PGAP2: variants seen among roughly 807,000 people sequenced by gnomAD.
PGAP2 encodes post-GPI attachment to proteins 2, also known as acyltransferase PGAP2.
In PGAP2, 21 loss-of-function variants were observed where a neutral mutation model predicts 33.2. The observed-to-expected ratio is 0.63, with a 90% CI of 0.45 to 0.91. The LOEUF (loss-of-function observed/expected upper bound fraction) is 0.91. Ranked by LOEUF, PGAP2 falls within the 40% of genes least tolerant of loss-of-function variation. PGAP2 has a pLI of 0.00. For synonymous variants in PGAP2, 161 were observed against 172.9 expected (o/e 0.93, Z 0.54); for missense variants, 345 against 424.0 (o/e 0.81, Z 1.64).
chr11:3,803,422 C>T (rs551734253), intron 1 of PGAP2, among the ~76,000 whole-genome samples: 51 of 151,430 alleles, frequency 3.4e-4, no homozygotes, highest in Non-Finnish European at 6.5e-4. Context: ...CCACCGCACC[C>T]GGCCATTTTT....
chr11:3,803,896 T>G (rs986190138), upstream of PGAP2, among the ~76,000 whole-genome samples: 4 of 152,004 alleles, frequency 2.6e-5, no homozygotes, highest in African/African-American at 9.7e-5. Flanking sequence ...GTTCAAGTGA[T>G]TCTCGTGCCT....
chr11:3,817,826 C>G, intron 3 of PGAP2: 1 of 555,822 alleles, frequency 1.8e-6, no homozygotes, highest in Non-Finnish European at 3.4e-6. Flanking sequence ...GCCAGTGGAT[C>G]ACTCGAGTTC....
chr11:3,801,499 G>A (rs891536777), intron 1 of PGAP2, among the ~76,000 whole-genome samples: 1 of 151,544 alleles, frequency 6.6e-6, no homozygotes, highest in African/African-American at 2.4e-5. Context: ...AAAATTAGCC[G>A]GGCGCGGTGG....
At chr11:3,805,841 C>CA (rs1007084377), upstream of PGAP2, among the ~76,000 whole-genome samples, 10 of 152,026 alleles carry the variant, frequency 6.6e-5, no homozygotes, top group South Asian at 8.3e-4. Flanking sequence ...TGCGCGCCAT[C>CA]ACGCCTAGCT....
chr11:3,805,032 C>T (rs573808945), upstream of PGAP2, among the ~76,000 whole-genome samples: 176 of 152,200 alleles, frequency 1.2e-3, no homozygotes, highest in Admixed American at 3.6e-3. Flanking sequence ...TTTATCTTCC[C>T]TCACATAAAT....
Position 3,823,054 on chromosome 11 carries a change from T to TTTTTTTTTTTTG in PGAP2, c.349-829_349-828insTTTTTTTTTTTG, listed in dbSNP as rs1316682518. On this transcript the variant is annotated intron_variant, in intron 3 of 6. Coordinates refer to ENST00000278243, the MANE Select transcript of PGAP2 (RefSeq NM_014489.4). ...TTTTTTTTTTTTTTTTTTTTTTTTT[T>TTTTTTTTTTTTG]GAGACAGAGTCTCACTCTGTTGCCC... 15 of 565,094 alleles carry TTTTTTTTTTTTG rather than the reference T, an allele frequency of 2.7e-5. No homozygotes were observed. The African/African-American group carries it at 2.9e-4, about 11-fold the overall frequency. 35.0% of individuals were successfully genotyped at this position (565,094 alleles called of 1,614,324 possible).
chr11:3,806,877 C>G (rs1292950005), upstream of PGAP2, among the ~76,000 whole-genome samples: 1 of 151,958 alleles, frequency 6.6e-6, no homozygotes, highest in Non-Finnish European at 1.5e-5. Flanking sequence ...CAAAAATTAG[C>G]CGGGCATGGT....
chr11:3,798,007 C>G (rs747858326), intron 1 of PGAP2: 4 of 1,535,548 alleles, frequency 2.6e-6, no homozygotes, highest in South Asian at 1.2e-5. Flanking sequence ...CTTTCCTTGC[C>G]CCGGTCCGCC....
rs1030876208 is a variant in PGAP2, at chr11:3,811,948, G to T, written c.165+524G>T. On this transcript the variant is annotated intron_variant, in intron 2 of 6. Coordinates refer to ENST00000278243, the MANE Select transcript of PGAP2 (RefSeq NM_014489.4). The surrounding 1 kb of genome is among the most constrained non-coding windows in gnomAD (Gnocchi z 4.6). ...AGTATATGTGTGTGTGATTGTGAGG[G>T]TCATGACTGTATATAATGGGTTTGA... Among the ~76,000 whole-genome samples the T allele has an allele frequency of 1.3e-5, 2 of 152,122 alleles. No individual in the cohort carries two copies. Among genetic ancestry groups the T allele is most frequent in the Non-Finnish European group, 2.9e-5 (2 of 68,012 alleles).
chr11:3,811,205 A>C lies in PGAP2; in HGVS notation c.-10-45A>C. On this transcript the variant is annotated intron_variant, in intron 1 of 6. Transcript: ENST00000278243. The surrounding 1 kb of genome is among the most constrained non-coding windows in gnomAD (Gnocchi z 4.6). ...AGGGCTGACTTTATCACTGAGTGCC[A>C]GCCTGGCTGCCTGGGGCCCTGACAG... 2 of 1,573,744 alleles carry C rather than the reference A, an allele frequency of 1.3e-6. No homozygotes were observed. Among genetic ancestry groups the C allele is most frequent in the South Asian group, 2.4e-5 (2 of 85,070 alleles).
intron 5 of PGAP2, 46 bp from the exon 6 acceptor site, chr11:3,824,974 C>G: frequency 6.2e-7 from 1 of 1,612,814 alleles, no homozygotes; most frequent in South Asian, 1.1e-5. Context: ...AGCCCACGCT[C>G]TCATACCCAG....
At chr11:3,821,207 C>T (rs1407840091) in intron 3 of PGAP2, among the ~76,000 whole-genome samples, 2 of 152,100 alleles carry the variant, frequency 1.3e-5, no homozygotes, top group Non-Finnish European at 2.9e-5. Flanking sequence ...TGCCCCAGGC[C>T]TACCTGTGGG....
chr11:3,811,113 A>G lies in PGAP2; in HGVS notation c.-10-137A>G. On this transcript the variant is annotated intron_variant, in intron 1 of 6. Coordinates refer to ENST00000278243, the MANE Select transcript of PGAP2 (RefSeq NM_014489.4). The surrounding 1 kb of genome is among the most constrained non-coding windows in gnomAD (Gnocchi z 4.6). ...CCTCATCCAGGGCAAGAGCTATCCA[A>G]GTTTAGGTGCCTTCCTCCTCAGACT... 3.0e-6 allele frequency: 2 copies of G among 667,062 alleles called. No individual in the cohort carries two copies. Among genetic ancestry groups the G allele is most frequent in the South Asian group, 2.0e-5 (1 of 49,548 alleles). The allele number at this position is 667,062 out of a possible 1,614,324, so 41.3% of individuals were successfully genotyped here. A position where few individuals can be genotyped will look rare whatever the true frequency, so the allele number is the denominator to read the frequency against.
chr11:3,814,632 T>C (rs1418587760), intron 2 of PGAP2, among the ~76,000 whole-genome samples: 1 of 150,320 alleles, frequency 6.7e-6, no homozygotes, highest in East Asian at 2.0e-4. Context: ...AGGCTGGTCT[T>C]CAACTCCTGA....
chr11:3,807,662 G>C (rs1403072219), upstream of PGAP2, among the ~76,000 whole-genome samples: 3 of 152,066 alleles, frequency 2.0e-5, no homozygotes, highest in Non-Finnish European at 4.4e-5. Context: ...AGAGTGCCTG[G>C]GATATACTGG....
chr11:3,804,928 G>A (rs1037662395), upstream of PGAP2, among the ~76,000 whole-genome samples: 9 of 152,120 alleles, frequency 5.9e-5, no homozygotes, highest in African/African-American at 2.2e-4. Context: ...TCTCGAACTC[G>A]TGACCTCAGG....
upstream of PGAP2, chr11:3,808,213 A>C (rs932566740): frequency 4.6e-6 from 7 of 1,515,386 alleles, no homozygotes; most frequent in Non-Finnish European, 6.3e-6. Flanking sequence ...TTCGGTTAGA[A>C]TGGAGGTGCG....
At position 3,817,355 on chromosome 11, in the gene PGAP2, C is replaced by G; in HGVS notation, c.168C>G (p.Ala56=). The change falls in exon 3 of 7, where the codon GCC becomes GCG. Residue 56 remains alanine, a splice_region_variant and synonymous_variant. Transcript: ENST00000278243. ...GTTGTATCCCTCGTGCTGCTTAGGC[C>G]ACGCCCTGCAGGATGTTCTCTGCGG... ...FKETTATHCG[A]TPCRMFSAAS... The G allele has an allele frequency of 1.2e-6, 2 of 1,612,180 alleles. No homozygotes were observed. Among genetic ancestry groups the G allele is most frequent in the Non-Finnish European group, 1.7e-6 (2 of 1,178,928 alleles).
chr11:3,816,884 T>C (rs1210053250), intron 2 of PGAP2, among the ~76,000 whole-genome samples: 1 of 152,228 alleles, frequency 6.6e-6, no homozygotes, highest in Non-Finnish European at 1.5e-5. Flanking sequence ...AAAGAAGCCA[T>C]GACTTAGAAC....
Sources: allele counts gnomAD v4.1 joint callset (sites outside exome capture counted in the v4.1 genomes callset), GRCh38; gene constraint gnomAD v4.1.1; non-coding constraint Gnocchi (gnomAD v3.1); transcripts MANE v1.5; gene names NCBI Gene and HGNC (gene_info 2026-07-23, HGNC 2026-07-21).